The following ERCC8 variants were observed in gnomAD, a reference collection of about 807,000 sequenced individuals.
ERCC8 encodes DNA excision repair protein ERCC-8.
ERCC8 carries 52 observed loss-of-function variants against 54.9 expected under a neutral mutation model. The ratio of observed to expected loss-of-function variants is 0.95; its 90% confidence interval spans 0.76 to 1.19. ERCC8 has a LOEUF of 1.19. Ranked by LOEUF, ERCC8 falls within the 50% of genes most tolerant of loss-of-function variation. ERCC8 has a pLI of 0.00. For synonymous variants in ERCC8, 146 were observed against 157.2 expected (o/e 0.93, Z 0.53); for missense variants, 514 against 466.1 (o/e 1.10, Z -0.95).
Position 60,892,291 on chromosome 5 carries a change from C to A in ERCC8, c.844-1205G>T, listed in dbSNP as rs543230237. The A allele has an allele frequency of 7.2e-6, 4 of 556,858 alleles. No homozygotes were observed. The East Asian group carries it at 1.9e-4, about 26-fold the overall frequency. The allele number at this position is 556,858 out of a possible 1,614,324, so 34.5% of individuals were successfully genotyped here. A position where few individuals can be genotyped will look rare whatever the true frequency, so the allele number is the denominator to read the frequency against. ...CTATTTCCATCATCGGAGAATGGAG[C>A]AACTTGATCTCCATTTTGAGTGGGT... On this transcript the variant is annotated intron_variant, in intron 9 of 11. Coordinates refer to ENST00000676185, the MANE Select transcript of ERCC8 (RefSeq NM_000082.4).
In ERCC8 at chr5:60,872,701, G is replaced by A. The variant is rs950634216; in HGVS notation, c.*1914C>T. 2.6e-5 allele frequency among the ~76,000 whole-genome samples: 4 copies of A among 152,144 alleles called. No individual in the cohort carries two copies. The highest frequency in any genetic ancestry group is 9.7e-5 in the African/African-American group (4 of 41,434). On this transcript the variant is annotated 3_prime_UTR_variant, in exon 12 of 12. Coordinates refer to ENST00000676185, the MANE Select transcript of ERCC8 (RefSeq NM_000082.4). ...TTATTGTGAAGAAAAAGGAATTCTT[G>A]CATATTCTTGGTAGGAATGTAAATT...
intron 4 of ERCC8, among the ~76,000 whole-genome samples, chr5:60,906,047 A>T (rs1040656595): frequency 6.6e-6 from 1 of 152,144 alleles, no homozygotes; most frequent in African/African-American, 2.4e-5. Flanking sequence ...TCCTGAAAAG[A>T]TATCTCAAAA....
chr5:60,914,955 T>A (rs545430881), intron 4 of ERCC8, among the ~76,000 whole-genome samples: 2 of 152,164 alleles, frequency 1.3e-5, no homozygotes, highest in African/African-American at 4.8e-5. Flanking sequence ...TGATATATTA[T>A]TCTTTTTGTA....
chr5:60,929,226 CATCTA>C (rs1749837671), intron 1 of ERCC8, among the ~76,000 whole-genome samples: 1 of 152,056 alleles, frequency 6.6e-6, no homozygotes, highest in South Asian at 2.1e-4. Context: ...TAGCTGAGGA[CATCTA>C]ATGGACAAAA....
At chr5:60,929,883 A>C (rs769521761) in intron 1 of ERCC8, among the ~76,000 whole-genome samples, 1 of 152,220 alleles carries the variant, frequency 6.6e-6, no homozygotes, top group African/African-American at 2.4e-5. Context: ...TTTAACCAGA[A>C]TTATTTCTAA....
chr5:60,939,057 A>C (rs569113668), intron 1 of ERCC8, among the ~76,000 whole-genome samples: 1 of 152,322 alleles, frequency 6.6e-6, no homozygotes, highest in East Asian at 1.9e-4. Context: ...TAATGGAAGA[A>C]ATCAGCCTGT....
Position 60,916,736 on chromosome 5 carries a change from T to G in ERCC8, c.399+1529A>C, listed in dbSNP as rs4647094. ...TAGAAGTATATTAAATTTACATTTA[T>G]ATACACAACACTGTTTTGTTTTGCT... On this transcript the variant is annotated intron_variant, in intron 4 of 11. Coordinates refer to ENST00000676185, the MANE Select transcript of ERCC8 (RefSeq NM_000082.4). Among the ~76,000 whole-genome samples, 147 of 152,182 alleles carry G rather than the reference T, an allele frequency of 9.7e-4. 1 individual carries two copies. The highest frequency in any genetic ancestry group is 5.4e-3 in the South Asian group (26 of 4,830).
chr5:60,891,156 A>C (rs1266987216), intron 9 of ERCC8, 70 bp from the exon 10 acceptor site: 2 of 985,784 alleles, frequency 2.0e-6, no homozygotes, highest in East Asian at 2.5e-5. Flanking sequence ...AGCCTAGGAG[A>C]AATACTTAAA....
At chr5:60,887,002 A>C (rs913478641) in intron 11 of ERCC8, among the ~76,000 whole-genome samples, 2 of 152,200 alleles carry the variant, frequency 1.3e-5, no homozygotes, top group African/African-American at 4.8e-5. Context: ...TACAATGTTA[A>C]TGAGAAAAGT....
chr5:60,893,902 CTCT>C (rs1748645172), intron 9 of ERCC8, among the ~76,000 whole-genome samples: 1 of 151,694 alleles, frequency 6.6e-6, no homozygotes, highest in African/African-American at 2.4e-5. Flanking sequence ...ATCTCTAGAA[CTCT>C]TCATCTTGCA....
intron 9 of ERCC8, chr5:60,892,616 G>T: frequency 1.5e-6 from 1 of 665,898 alleles, no homozygotes; most frequent in Non-Finnish European, 2.8e-6. Context: ...CAGAGAGAAG[G>T]TAATAGTTGG....
rs776689738 is a variant in ERCC8, at chr5:60,874,602, C to G, written c.*13G>C. ...AAGTTTCAGCAGAGACAAAAAGGTA[C>G]TAAAGATGATATTCATCCTTCTTCA... On this transcript the variant is annotated 3_prime_UTR_variant, in exon 12 of 12. Coordinates refer to ENST00000676185, the MANE Select transcript of ERCC8 (RefSeq NM_000082.4). 5.6e-6 allele frequency: 9 copies of G among 1,610,982 alleles called. No homozygotes were observed. Among genetic ancestry groups the G allele is most frequent in the Non-Finnish European group, 6.8e-6 (8 of 1,178,064 alleles).
At chr5:60,938,887 C>T (rs1464989185) in intron 1 of ERCC8, among the ~76,000 whole-genome samples, 1 of 152,082 alleles carries the variant, frequency 6.6e-6, no homozygotes, top group Non-Finnish European at 1.5e-5. Context: ...TAGTGATGTC[C>T]ACATTTTGTT....
chr5:60,921,642 T>G (rs1561511791), intron 3 of ERCC8, among the ~76,000 whole-genome samples: 1 of 151,820 alleles, frequency 6.6e-6, no homozygotes, highest in African/African-American at 2.4e-5. Context: ...ATATGTTTAG[T>G]ATATCTAAAC....
intron 11 of ERCC8, among the ~76,000 whole-genome samples, chr5:60,880,707 C>T (rs181510783): frequency 6.6e-6 from 1 of 152,316 alleles, no homozygotes; most frequent in East Asian, 1.9e-4. Context: ...CCATGGTTTT[C>T]AGCTCCATCA....
At chr5:60,883,790 G>T (rs903859327) in intron 11 of ERCC8, among the ~76,000 whole-genome samples, 3 of 152,156 alleles carry the variant, frequency 2.0e-5, no homozygotes, top group Non-Finnish European at 2.9e-5. Context: ...AAGTAATTAG[G>T]AGTTATAGAT....
chr5:60,889,747 A>C (rs1392076066), intron 10 of ERCC8, among the ~76,000 whole-genome samples: 2 of 152,216 alleles, frequency 1.3e-5, no homozygotes, highest in Non-Finnish European at 2.9e-5. Context: ...ACAATGTTTT[A>C]AGAATTTCTT....
At chr5:60,896,342 G>A (rs951449446) in intron 9 of ERCC8, among the ~76,000 whole-genome samples, 5 of 152,076 alleles carry the variant, frequency 3.3e-5, no homozygotes, top group East Asian at 1.9e-4. Flanking sequence ...TCAGCCTCCC[G>A]AGTAGCTGGG....
At chr5:60,891,138 C>G (rs768903965) in intron 9 of ERCC8, 52 bp from the exon 10 acceptor site, 29 of 1,221,666 alleles carry the variant, frequency 2.4e-5, no homozygotes, top group Non-Finnish European at 3.2e-5. Context: ...GAATTTAAAA[C>G]ACAACAAAGC....
Sources: allele counts gnomAD v4.1 joint callset (sites outside exome capture counted in the v4.1 genomes callset), GRCh38; gene constraint gnomAD v4.1.1; transcripts MANE v1.5; gene names NCBI Gene and HGNC (gene_info 2026-07-23, HGNC 2026-07-21).